Variants in CSMD1 observed in about 807,000 individuals in gnomAD.
The protein encoded by CSMD1 is CUB and Sushi multiple domains 1.
A neutral mutation model predicts 417.5 loss-of-function variants in CSMD1; 213 were observed. That is an observed-to-expected ratio of 0.51 (90% CI 0.46 to 0.57). The LOEUF is 0.57. Among genes scored for constraint, CSMD1 ranks in the 20% least tolerant of loss-of-function variants. The pLI is 0.00. For synonymous variants in CSMD1, 2,862 were observed against 1,736.8 expected (o/e 1.65, Z -16.11); for missense variants, 6,923 against 4,529.7 (o/e 1.53, Z -15.17).
intron 10 of CSMD1, 124 bp from the exon 11 acceptor site, chr8:3,493,850 C>T (rs937017475): frequency 6.1e-6 from 4 of 655,204 alleles, no homozygotes; most frequent in African/African-American, 5.4e-5. Context: ...CAAATGATCC[C>T]AGAGCTGCTT....
intron 50 of CSMD1, among the ~76,000 whole-genome samples, chr8:3,044,536 AG>A (rs1811310082): frequency 6.6e-6 from 1 of 152,150 alleles, no homozygotes; most frequent in South Asian, 2.1e-4. Flanking sequence ...TGTTAAACCC[AG>A]TCCGTTAATA....
intron 51 of CSMD1, among the ~76,000 whole-genome samples, chr8:3,024,717 T>C (rs1809722746): frequency 1.3e-5 from 2 of 152,238 alleles, no homozygotes; most frequent in Admixed American, 6.5e-5. Context: ...CTGATACTAT[T>C]AAGTGACTTT....
At chr8:4,726,994 C>T (rs1413211515) in intron 1 of CSMD1, among the ~76,000 whole-genome samples, 1 of 152,048 alleles carries the variant, frequency 6.6e-6, no homozygotes, top group African/African-American at 2.4e-5. Context: ...GAAAATGAGA[C>T]CCCTATATGT....
At chr8:4,188,322 C>T (rs1310856205) in intron 3 of CSMD1, among the ~76,000 whole-genome samples, 1 of 152,142 alleles carries the variant, frequency 6.6e-6, no homozygotes, top group Non-Finnish European at 1.5e-5. Context: ...ACGTGGTTTT[C>T]TGGACCAAAT....
At chr8:3,291,623 T>G (rs1357682265) in intron 25 of CSMD1, among the ~76,000 whole-genome samples, 1 of 152,210 alleles carries the variant, frequency 6.6e-6, no homozygotes, top group East Asian at 1.9e-4. Context: ...TAGAGGTGTT[T>G]ATAGTATTCT....
intron 3 of CSMD1, among the ~76,000 whole-genome samples, chr8:4,047,404 C>A (rs754825257): frequency 3.3e-5 from 5 of 152,094 alleles, no homozygotes; most frequent in Admixed American, 6.5e-5. Flanking sequence ...GGAAATATTG[C>A]GGAAAAAATA....
intron 15 of CSMD1, among the ~76,000 whole-genome samples, chr8:3,400,899 T>A (rs1012898988): frequency 6.6e-6 from 1 of 151,348 alleles, no homozygotes; most frequent in Admixed American, 6.6e-5. Flanking sequence ...GCAGGGTAAT[T>A]TTTATTAACT....
At chr8:4,006,384 A>G (rs1279672662) in intron 4 of CSMD1, among the ~76,000 whole-genome samples, 1 of 152,108 alleles carries the variant, frequency 6.6e-6, no homozygotes, top group Non-Finnish European at 1.5e-5. Context: ...TCTCTACTAA[A>G]AATACAAAAA....
At chr8:4,153,438 T>G (rs575262741) in intron 3 of CSMD1, among the ~76,000 whole-genome samples, 17 of 152,356 alleles carry the variant, frequency 1.1e-4, no homozygotes, top group East Asian at 1.9e-4. Flanking sequence ...TGCCCCGCAC[T>G]TAGCAGATGA....
chr8:4,194,613 G>A (rs975073586), intron 3 of CSMD1, among the ~76,000 whole-genome samples: 2 of 151,428 alleles, frequency 1.3e-5, no homozygotes, highest in Non-Finnish European at 3.0e-5. Context: ...TTTGCTAACA[G>A]AGTAATCATA....
intron 26 of CSMD1, among the ~76,000 whole-genome samples, chr8:3,252,621 G>C (rs1317613135): frequency 6.6e-6 from 1 of 152,166 alleles, no homozygotes; most frequent in Non-Finnish European, 1.5e-5. Context: ...TGATTGAATA[G>C]TTTCAGAAGG....
intron 3 of CSMD1, among the ~76,000 whole-genome samples, chr8:4,213,839 A>T (rs1241411135): frequency 6.6e-6 from 1 of 152,160 alleles, no homozygotes; most frequent in Non-Finnish European, 1.5e-5. Flanking sequence ...CAGTTATTGA[A>T]CCCCAGTGTT....
chr8:3,720,655 A>ACACC (rs1435579676), intron 6 of CSMD1, among the ~76,000 whole-genome samples: 28 of 148,928 alleles, frequency 1.9e-4, no homozygotes, highest in African/African-American at 6.9e-4. Flanking sequence ...ACACACACAC[A>ACACC]CCAGCACATT....
At chr8:4,207,799 G>C (rs1458339832) in intron 3 of CSMD1, among the ~76,000 whole-genome samples, 1 of 152,106 alleles carries the variant, frequency 6.6e-6, no homozygotes, top group Non-Finnish European at 1.5e-5. Flanking sequence ...AATAGCAAAA[G>C]TTACAATAAT....
intron 3 of CSMD1, among the ~76,000 whole-genome samples, chr8:4,359,960 C>G (rs1311218630): frequency 1.3e-5 from 2 of 152,232 alleles, no homozygotes; most frequent in East Asian, 1.9e-4. Context: ...AGATCTTCCA[C>G]ATGGTTAGGA....
chr8:4,964,810 C>G lies in CSMD1; in HGVS notation c.85+29522G>C, dbSNP rs147574189. Among the ~76,000 whole-genome samples, 369 of 152,266 alleles carry G rather than the reference C, an allele frequency of 2.4e-3. 2 individuals carry two copies. The highest frequency in any genetic ancestry group is 8.5e-3 in the African/African-American group (352 of 41,556). On this transcript the variant is annotated intron_variant, in intron 1 of 69. Coordinates refer to ENST00000635120, the MANE Select transcript of CSMD1 (RefSeq NM_033225.6). ...TTGTTCTTTTTATCGTCGTTGTCCA[C>G]CTGTTGTGCACCCACGATGGACTTT...
chr8:4,970,180 G>A (rs968538213), intron 1 of CSMD1, among the ~76,000 whole-genome samples: 2 of 151,874 alleles, frequency 1.3e-5, no homozygotes, highest in Non-Finnish European at 2.9e-5. Context: ...CAGTGTAGAG[G>A]GAGAACTTGA....
At chr8:3,349,898 A>ATT (rs1808288325) in intron 21 of CSMD1, among the ~76,000 whole-genome samples, 1 of 90,080 alleles carries the variant, frequency 1.1e-5, no homozygotes, top group South Asian at 3.5e-4. Context: ...TATTTATAAT[A>ATT]TATATTTATA....
At chr8:4,177,266 A>C (rs1798103658) in intron 3 of CSMD1, among the ~76,000 whole-genome samples, 1 of 152,204 alleles carries the variant, frequency 6.6e-6, no homozygotes, top group Non-Finnish European at 1.5e-5. Flanking sequence ...AGAACTCAGG[A>C]TTAAGAAACT....
Sources: allele counts gnomAD v4.1 joint callset (sites outside exome capture counted in the v4.1 genomes callset), GRCh38; gene constraint gnomAD v4.1.1; transcripts MANE v1.5; gene names NCBI Gene and HGNC (gene_info 2026-07-23, HGNC 2026-07-21).